NT5M: variants seen among roughly 807,000 people sequenced by gnomAD.
NT5M encodes 5',3'-nucleotidase, mitochondrial, also known as 5'(3')-deoxyribonucleotidase, mitochondrial.
A neutral mutation model predicts 22.2 loss-of-function variants in NT5M; 22 were observed. The ratio of observed to expected loss-of-function variants is 0.99; its 90% CI spans 0.71 to 1.41. The LOEUF is 1.41. Ranked by LOEUF, NT5M falls within the 40% of genes most tolerant of loss-of-function variation. The pLI is 0.00. For missense variants in NT5M, 322 were observed against 314.8 expected (o/e 1.02, Z -0.17); for synonymous variants, 167 against 133.0 (o/e 1.26, Z -1.76).
At chr17:17,319,534 T>A (rs1460044448) in intron 2 of NT5M, among the ~76,000 whole-genome samples, 1 of 152,220 alleles carries the variant, frequency 6.6e-6, no homozygotes, top group Non-Finnish European at 1.5e-5. Context: ...ATTTAACAAT[T>A]AGGACACACT....
In NT5M at chr17:17,331,571, A is replaced by G. The variant is rs376240031; in HGVS notation, c.429+8326A>G. Among the ~76,000 whole-genome samples, 172 of 151,746 alleles carry G rather than the reference A, an allele frequency of 1.1e-3. 1 individual carries two copies. Among genetic ancestry groups the G allele is most frequent in the Non-Finnish European group, 2.1e-3 (144 of 68,022 alleles). ...ATCATTGTAATAGGGATTGTAGACA[A>G]AAGTGCATGATCCCTTTATTTATTT... On this transcript the variant is annotated intron_variant, in intron 3 of 4. Transcript: ENST00000389022.
intron 2 of NT5M, among the ~76,000 whole-genome samples, chr17:17,308,010 A>G (rs1335959822): frequency 2.0e-5 from 3 of 152,046 alleles, no homozygotes; most frequent in Non-Finnish European, 2.9e-5. Flanking sequence ...AGATTGCTCC[A>G]TTGCACTCTA....
chr17:17,327,344 A>ATTT (rs561744146), intron 3 of NT5M, among the ~76,000 whole-genome samples: 1 of 87,978 alleles, frequency 1.1e-5, no homozygotes, highest in Non-Finnish European at 2.4e-5. Flanking sequence ...CAGAAACATG[A>ATTT]TTTTTTTTTT....
chr17:17,315,251 A>T (rs956041982), intron 2 of NT5M, among the ~76,000 whole-genome samples: 17 of 152,188 alleles, frequency 1.1e-4, no homozygotes, highest in Admixed American at 1.0e-3. Flanking sequence ...CAGTTTATTC[A>T]TGGGTTCATT....
chr17:17,310,241 A>G (rs1021573329), intron 2 of NT5M, among the ~76,000 whole-genome samples: 1 of 152,044 alleles, frequency 6.6e-6, no homozygotes, highest in African/African-American at 2.4e-5. Flanking sequence ...TATATAAAGA[A>G]CTCTTCCAAG....
At chr17:17,337,810 G>C (rs1370783430) in intron 3 of NT5M, among the ~76,000 whole-genome samples, 2 of 152,142 alleles carry the variant, frequency 1.3e-5, no homozygotes, top group Non-Finnish European at 2.9e-5. Context: ...TTAATCCCTT[G>C]TCAGATGGAT....
At chr17:17,330,163 T>G (rs2049346637) in intron 3 of NT5M, among the ~76,000 whole-genome samples, 1 of 150,580 alleles carries the variant, frequency 6.6e-6, no homozygotes, top group Admixed American at 6.6e-5. Flanking sequence ...AGCCGAGCGT[T>G]GTGGCGGGCG....
At chr17:17,303,986 C>T (rs1284722763) in intron 1 of NT5M, 169 bp downstream of exon 1, 2 of 1,245,580 alleles carry the variant, frequency 1.6e-6, no homozygotes, top group Non-Finnish European at 2.0e-6. Flanking sequence ...GAAGATGCGG[C>T]CCCGCGCTCA....
At chr17:17,319,973 G>A (rs1464958121) in intron 2 of NT5M, among the ~76,000 whole-genome samples, 1 of 152,108 alleles carries the variant, frequency 6.6e-6, no homozygotes, top group Non-Finnish European at 1.5e-5. Context: ...CTCCCGAGTA[G>A]CTGGGACTAC....
chr17:17,311,698 T>C (rs1319685866), intron 2 of NT5M, among the ~76,000 whole-genome samples: 2 of 152,232 alleles, frequency 1.3e-5, no homozygotes, highest in East Asian at 3.8e-4. Flanking sequence ...AGTTCTAATA[T>C]GATAAATAGG....
At chr17:17,312,142 G>A (rs543095428) in intron 2 of NT5M, among the ~76,000 whole-genome samples, 2 of 152,238 alleles carry the variant, frequency 1.3e-5, no homozygotes, top group Non-Finnish European at 2.9e-5. Context: ...CTGGCACATA[G>A]CAGGTGCTCA....
chr17:17,346,531 C>T (rs1404908891), intron 4 of NT5M, among the ~76,000 whole-genome samples: 4 of 152,174 alleles, frequency 2.6e-5, no homozygotes, highest in Non-Finnish European at 4.4e-5. Context: ...CATCAGGAGG[C>T]GGGGCACATG....
chr17:17,343,322 G>A (rs2049688174), intron 3 of NT5M, among the ~76,000 whole-genome samples: 1 of 152,180 alleles, frequency 6.6e-6, no homozygotes. Context: ...GCACATGTGA[G>A]GCTCTGAGCA....
chr17:17,321,079 G>A (rs2049141772), intron 2 of NT5M, among the ~76,000 whole-genome samples: 1 of 152,236 alleles, frequency 6.6e-6, no homozygotes, highest in African/African-American at 2.4e-5. Context: ...TGGGGGTCAA[G>A]GCTGTGTGTG....
intron 3 of NT5M, among the ~76,000 whole-genome samples, chr17:17,341,139 T>C (rs1270592930): frequency 6.6e-6 from 1 of 152,224 alleles, no homozygotes; most frequent in Non-Finnish European, 1.5e-5. Context: ...TTCCTCATTA[T>C]TGATTTCTAG....
intron 2 of NT5M, 122 bp downstream of exon 2, chr17:17,306,765 T>C: frequency 1.4e-6 from 1 of 701,622 alleles, no homozygotes. Context: ...TGCGCAAGGC[T>C]GCACTTGCCT....
chr17:17,337,414 T>C (rs1004859732), intron 3 of NT5M, among the ~76,000 whole-genome samples: 1 of 151,672 alleles, frequency 6.6e-6, no homozygotes, highest in Non-Finnish European at 1.5e-5. Flanking sequence ...ATTTTTTTTT[T>C]TTTTCTTTAG....
chr17:17,325,648 T>G (rs1479580378), intron 3 of NT5M, among the ~76,000 whole-genome samples: 2 of 152,192 alleles, frequency 1.3e-5, no homozygotes, highest in Non-Finnish European at 2.9e-5. Flanking sequence ...AGCTCCTGAC[T>G]TGAAACCTCT....
chr17:17,320,005 G>T (rs893874803), intron 2 of NT5M, among the ~76,000 whole-genome samples: 2 of 152,058 alleles, frequency 1.3e-5, no homozygotes, highest in Non-Finnish European at 2.9e-5. Context: ...ACCACGTCCG[G>T]CTATTTTTCT....
Sources: gnomAD v4.1 joint callset for allele counts (sites outside exome capture counted in the v4.1 genomes callset) on GRCh38, gnomAD v4.1.1 for gene constraint, MANE v1.5 for transcripts, NCBI Gene and HGNC (gene_info 2026-07-23, HGNC 2026-07-21) for gene names.